The following LRP2 variants were observed in gnomAD, a reference collection of about 807,000 sequenced individuals.
LRP2 encodes the protein low-density lipoprotein receptor-related protein 2.
A neutral mutation model predicts 531.0 loss-of-function variants in LRP2; 172 were observed. The ratio of observed to expected loss-of-function variants is 0.32; its 90% CI spans 0.29 to 0.37. The LOEUF (loss-of-function observed/expected upper bound fraction) is 0.37, where lower values mean the gene tolerates loss of function less well. Among genes scored for constraint, LRP2 ranks in the 10% least tolerant of loss-of-function variants. The pLI, the probability that LRP2 is intolerant of heterozygous loss-of-function variation, is 1.00. For missense variants in LRP2, 5,167 were observed against 5,868.3 expected, an observed-to-expected ratio of 0.88 and a Z score of 3.90; for synonymous variants, 1,992 against 2,027.6, an observed-to-expected ratio of 0.98 and a Z score of 0.47.
At chr2:169,269,945 G>A (rs1308474472) in intron 16 of LRP2, among the ~76,000 whole-genome samples, 1 of 152,114 alleles carries the variant, frequency 6.6e-6, no homozygotes, top group Non-Finnish European at 1.5e-5. Flanking sequence ...AGTGGGTGAA[G>A]GATATGAACA....
At chr2:169,149,587 A>T (rs12692892) in intron 68 of LRP2, among the ~76,000 whole-genome samples, 2 of 151,920 alleles carry the variant, frequency 1.3e-5, no homozygotes, top group African/African-American at 4.8e-5. Flanking sequence ...CTGTAATCCC[A>T]GCACACTGGG....
In LRP2 at chr2:169,220,207, C is replaced by T. The variant is rs192286396; in HGVS notation, c.5648+247G>A. Among the ~76,000 whole-genome samples the T allele has an allele frequency of 1.1e-4, 17 of 152,270 alleles. No homozygotes were observed. In the East Asian group the frequency reaches 3.3e-3, roughly 29 times the overall value. On this transcript the variant is annotated intron_variant, in intron 34 of 78. Transcript: ENST00000649046. ...TATTTTAAAATTCCTAAAATTCTTG[C>T]TTGTTTGGAATTAATTTTAAATCCA...
chr2:169,329,247 A>G (rs1306726233), intron 1 of LRP2, among the ~76,000 whole-genome samples: 1 of 152,192 alleles, frequency 6.6e-6, no homozygotes, highest in African/African-American at 2.4e-5. Context: ...GTGTAGGGTC[A>G]AAACAACTTG....
chr2:169,330,565 G>C (rs1685237860), intron 1 of LRP2, among the ~76,000 whole-genome samples: 1 of 152,142 alleles, frequency 6.6e-6, no homozygotes, highest in African/African-American at 2.4e-5. Flanking sequence ...TATAAGCAAA[G>C]CCACACTTCT....
At position 169,128,624 on chromosome 2, in the gene LRP2, A is replaced by C. The variant is rs889976268; in HGVS notation, c.*39T>G. ...TCTGTTTGTAAAAAATATATGTGCA[A>C]AAGTGTGTTTCTAATTATTCCCTAA... is the stretch of plus-strand genomic sequence containing the variant. On this transcript the variant is annotated 3_prime_UTR_variant, in exon 79 of 79. Coordinates refer to ENST00000649046, the MANE Select transcript of LRP2 (RefSeq NM_004525.3). 4 of 1,587,582 alleles carry C rather than the reference A, an allele frequency of 2.5e-6. No individual in the cohort carries two copies. The highest frequency in any genetic ancestry group is 3.5e-6 in the Non-Finnish European group (4 of 1,155,892).
rs1273273366 is a variant in LRP2, at chr2:169,216,319, G to C, written c.5760C>G (p.His1920Gln). The C allele has an allele frequency of 6.2e-7, 1 of 1,613,674 alleles. No individual in the cohort carries two copies. Among genetic ancestry groups the C allele is most frequent in the Admixed American group, 1.7e-5 (1 of 59,946 alleles). The change falls in exon 35 of 79, where the codon CAC (histidine) becomes CAG (glutamine). Residue 1920 changes from histidine (H) to glutamine (Q), a missense_variant. Physicochemically the swap from His to Gln is conservative, Grantham distance 24. Transcript: ENST00000649046. ...VKTLFTGNLE[H>Q]LECVTLDIEE... ...CGATGTCAAGAGTGACACACTCCAGGTGTTCGAGGTTCCCAGTAAAGAGAG... is the reference window on the plus strand; with the variant it reads ...CGATGTCAAGAGTGACACACTCCAGCTGTTCGAGGTTCCCAGTAAAGAGAG...
In LRP2 at chr2:169,289,095, G is replaced by A; in HGVS notation, c.973C>T (p.Pro325Ser). The change falls in exon 9 of 79, where the codon CCG (proline) becomes TCG (serine). Residue 325 changes from proline to serine, a missense_variant. Transcript: ENST00000649046. ...LNCQYQCHET[P>S]YGGACFCPPG... ...GGACAAAAACACGCTCCTCCATACG[G>A]CGTCTCATGGCACTGGTACTGGCAG... 6.2e-7 allele frequency: 1 copy of A among 1,614,094 alleles called. No homozygotes were observed. Among genetic ancestry groups the A allele is most frequent in the East Asian group, 2.2e-5 (1 of 44,876 alleles).
At chr2:169,284,366 G>A (rs1359090090) in intron 9 of LRP2, among the ~76,000 whole-genome samples, 1 of 134,070 alleles carries the variant, frequency 7.5e-6, no homozygotes, top group African/African-American at 2.8e-5. Context: ...CCGGGTTCAA[G>A]TGATCCTTCC....
intron 1 of LRP2, among the ~76,000 whole-genome samples, chr2:169,340,951 G>A (rs1685545782): frequency 1.3e-5 from 2 of 152,076 alleles, no homozygotes; most frequent in Non-Finnish European, 2.9e-5. Context: ...GAGGAGCTAG[G>A]CATACTCTTA....
chr2:169,156,035 C>A (rs915166393), intron 65 of LRP2, among the ~76,000 whole-genome samples: 1 of 152,030 alleles, frequency 6.6e-6, no homozygotes, highest in African/African-American at 2.4e-5. Flanking sequence ...ATAAGTAACA[C>A]CTGGCTCTTG....
chr2:169,131,520 A>G (rs2105326110), intron 77 of LRP2, among the ~76,000 whole-genome samples: 1 of 152,302 alleles, frequency 6.6e-6, no homozygotes, highest in Admixed American at 6.5e-5. Context: ...CTACTCTTAG[A>G]CTTTCATTTC....
chr2:169,307,084 ACT>A (rs1180554056), intron 4 of LRP2, among the ~76,000 whole-genome samples, 195 bp downstream of exon 4: 2 of 152,190 alleles, frequency 1.3e-5, no homozygotes, highest in African/African-American at 4.8e-5. Flanking sequence ...AAGGCAGGAC[ACT>A]CTTAGAATGT....
In LRP2 at chr2:169,173,148, G is replaced by C; in HGVS notation, c.11091C>G (p.Ala3697=). The change falls in exon 57 of 79, where the codon GCC becomes GCG. Residue 3697 remains alanine (A), a synonymous_variant. Coordinates refer to ENST00000649046, the MANE Select transcript of LRP2 (RefSeq NM_004525.3). ...KTNYRCIPKW[A]VCNGVDDCRD... Reference sequence around the variant, plus strand: ...TGCAGTCATCTACACCATTGCACACGGCCCACTTTGGGATGCAGCGGTAAT... The same window carrying C: ...TGCAGTCATCTACACCATTGCACACCGCCCACTTTGGGATGCAGCGGTAAT... The C allele has an allele frequency of 1.2e-6, 2 of 1,614,088 alleles. No individual in the cohort carries two copies. The highest frequency in any genetic ancestry group is 1.7e-6 in the Non-Finnish European group (2 of 1,180,016).
intron 1 of LRP2, among the ~76,000 whole-genome samples, chr2:169,341,871 C>T (rs1399205425): frequency 6.6e-6 from 1 of 152,096 alleles, no homozygotes; most frequent in African/African-American, 2.4e-5. Flanking sequence ...CTCTTATTAC[C>T]AATAGCATCC....
chr2:169,230,289 C>T (rs957536210), intron 31 of LRP2, among the ~76,000 whole-genome samples: 2 of 152,286 alleles, frequency 1.3e-5, no homozygotes, highest in South Asian at 2.1e-4. Context: ...ACAATGTCAA[C>T]GAGGATTAGG....
chr2:169,183,275 C>T (rs1368257967), intron 50 of LRP2, among the ~76,000 whole-genome samples: 2 of 152,196 alleles, frequency 1.3e-5, no homozygotes, highest in African/African-American at 4.8e-5. Flanking sequence ...TCGCTTCAGG[C>T]TTCAGCAAGA....
At position 169,162,570 on chromosome 2, in the gene LRP2, T is replaced by A; in HGVS notation, c.11789A>T (p.Glu3930Val). ...CRKPTPKPCT[E>V]YEYKCGNGHC... is the part of the protein sequence containing the mutation. ...CCCATTGCCACACTTATATTCATAT[T>A]CTGTACAAGGTTTAGGGGTCGGTTT... is the stretch of plus-strand genomic sequence containing the variant. Residue 3930 changes from glutamate to valine, a missense_variant, in exon 63 of 79, where the codon GAA becomes GTA. By Grantham distance (121) the Glu-to-Val change is moderately radical. Transcript: ENST00000649046. 1.2e-6 allele frequency: 2 copies of A among 1,614,202 alleles called. No individual in the cohort carries two copies. The highest frequency in any genetic ancestry group is 1.3e-5 in the African/African-American group (1 of 75,066).
chr2:169,157,561 T>G, intron 63 of LRP2, 59 bp from the exon 64 acceptor site: 1 of 1,600,050 alleles, frequency 6.2e-7, no homozygotes, highest in Non-Finnish European at 8.5e-7. Context: ...AGTCAAGTGG[T>G]GTATCAAAAG....
intron 38 of LRP2, among the ~76,000 whole-genome samples, chr2:169,207,575 A>C (rs1480660281): frequency 6.6e-6 from 1 of 152,168 alleles, no homozygotes; most frequent in Non-Finnish European, 1.5e-5. Context: ...TGAAGCTCTA[A>C]ATGCTTAATA....
Sources: gnomAD v4.1 joint callset for allele counts (sites outside exome capture counted in the v4.1 genomes callset) on GRCh38, gnomAD v4.1.1 for gene constraint, MANE v1.5 for transcripts, NCBI Gene and HGNC (gene_info 2026-07-23, HGNC 2026-07-21) for gene names.